Variants in NCBP1 observed in about 807,000 individuals in gnomAD.
The protein encoded by NCBP1 is nuclear cap-binding protein subunit 1.
In NCBP1, 16 loss-of-function variants were observed where a neutral mutation model predicts 111.7. That is an observed-to-expected ratio of 0.14 (90% CI 0.10 to 0.22). The LOEUF is 0.22. Ranked by LOEUF, NCBP1 falls within the 10% of genes least tolerant of loss-of-function variation. NCBP1 has a pLI of 1.00. For synonymous variants in NCBP1, 304 were observed against 314.3 expected, an observed-to-expected ratio of 0.97 and a Z score of 0.35; for missense variants, 607 against 957.5, an observed-to-expected ratio of 0.63 and a Z score of 4.83.
chr9:97,662,384 T>C (rs1343532925), intron 17 of NCBP1, among the ~76,000 whole-genome samples: 1 of 152,146 alleles, frequency 6.6e-6, no homozygotes, highest in African/African-American at 2.4e-5. Flanking sequence ...TTAAAGAAAC[T>C]AGTGAAAAAC....
intron 18 of NCBP1, 49 bp from the exon 19 acceptor site, chr9:97,664,291 G>T (rs553686144): frequency 9.2e-7 from 1 of 1,088,374 alleles, no homozygotes; most frequent in Non-Finnish European, 1.3e-6. Flanking sequence ...ACATATATAT[G>T]TGTGTGTATG....
At chr9:97,647,430 A>C (rs774929181) in intron 6 of NCBP1, 62 bp from the exon 7 acceptor site, 1 of 1,276,072 alleles carries the variant, frequency 7.8e-7, no homozygotes, top group Non-Finnish European at 1.1e-6. Flanking sequence ...AATAACTGTG[A>C]GGGTGACTGA....
At chr9:97,647,893 C>T (rs1827391140) in intron 7 of NCBP1, 115 bp from the exon 8 acceptor site, 2 of 910,588 alleles carry the variant, frequency 2.2e-6, no homozygotes. Context: ...TTTTTTTGTA[C>T]CATCTTACAA....
At chr9:97,658,827 G>A in intron 15 of NCBP1, 84 bp downstream of exon 15, 1 of 1,103,856 alleles carries the variant, frequency 9.1e-7, no homozygotes, top group Non-Finnish European at 1.4e-6. Flanking sequence ...TGGAGAAATT[G>A]AACTTTTTCT....
chr9:97,647,638 A>G, intron 7 of NCBP1, 77 bp downstream of exon 7: 1 of 1,242,940 alleles, frequency 8.0e-7, no homozygotes, highest in Non-Finnish European at 1.2e-6. Context: ...AGATACTCAG[A>G]CCATTCCATT....
chr9:97,666,183 A>G (rs879871085), intron 19 of NCBP1, among the ~76,000 whole-genome samples: 2 of 152,192 alleles, frequency 1.3e-5, no homozygotes, highest in Non-Finnish European at 2.9e-5. Context: ...TGCAACAAAC[A>G]TTTCAAAGCA....
chr9:97,669,985 C>T (rs544513414), intron 22 of NCBP1: 333 of 451,258 alleles, frequency 7.4e-4, no homozygotes, highest in Non-Finnish European at 1.1e-3. Flanking sequence ...TTCAGTGACA[C>T]GATCTCAGCT....
chr9:97,670,715 G>A (rs111337217), intron 22 of NCBP1, among the ~76,000 whole-genome samples: 13 of 152,118 alleles, frequency 8.5e-5, no homozygotes, highest in Admixed American at 2.6e-4. Context: ...CTGTCAGTCC[G>A]TCTGGCTGCT....
chr9:97,658,821 G>A, intron 15 of NCBP1, 78 bp downstream of exon 15: 3 of 1,144,122 alleles, frequency 2.6e-6, no homozygotes, highest in Non-Finnish European at 3.9e-6. Flanking sequence ...TTAAAGTGGA[G>A]AAATTGAACT....
intron 16 of NCBP1, among the ~76,000 whole-genome samples, chr9:97,661,433 C>T (rs1827830624): frequency 6.6e-6 from 1 of 152,134 alleles, no homozygotes; most frequent in Non-Finnish European, 1.5e-5. Flanking sequence ...TTAACATTTA[C>T]TCAGTTATAT....
At chr9:97,660,195 T>C (rs1045419885) in intron 15 of NCBP1, among the ~76,000 whole-genome samples, 3 of 152,232 alleles carry the variant, frequency 2.0e-5, no homozygotes, top group African/African-American at 4.8e-5. Flanking sequence ...AATATGACTG[T>C]CCTCACATGA....
chr9:97,650,200 A>G (rs1356583081), intron 8 of NCBP1, among the ~76,000 whole-genome samples: 20 of 152,104 alleles, frequency 1.3e-4, no homozygotes. Flanking sequence ...TAAAAAATAA[A>G]CTCTGTAAGA....
At chr9:97,662,205 G>A (rs977177264) in intron 17 of NCBP1, 61 bp downstream of exon 17, 41 of 1,216,808 alleles carry the variant, frequency 3.4e-5, no homozygotes, top group Admixed American at 1.2e-4. Context: ...AACACCAGTG[G>A]TATGGTAATT....
At chr9:97,645,252 G>T in intron 5 of NCBP1, 28 bp downstream of exon 5, 1 of 1,543,154 alleles carries the variant, frequency 6.5e-7, no homozygotes, top group Non-Finnish European at 9.0e-7. Flanking sequence ...GCTGAATCTT[G>T]AGGGGTTCTT....
chr9:97,643,874 C>G (rs1227122264), intron 4 of NCBP1, among the ~76,000 whole-genome samples: 1 of 152,100 alleles, frequency 6.6e-6, no homozygotes. Flanking sequence ...CTTTTTGCAT[C>G]TAGATTCTCT....
chr9:97,646,391 C>T (rs931886057), intron 6 of NCBP1, among the ~76,000 whole-genome samples: 2 of 152,012 alleles, frequency 1.3e-5, no homozygotes, highest in African/African-American at 4.8e-5. Context: ...CTTAACTATC[C>T]AGCAACATGG....
At chr9:97,653,270 A>G (rs1215048651) in intron 10 of NCBP1, among the ~76,000 whole-genome samples, 1 of 151,976 alleles carries the variant, frequency 6.6e-6, no homozygotes, top group Non-Finnish European at 1.5e-5. Context: ...ATAGGTGCCC[A>G]CCACCACACC....
intron 18 of NCBP1, among the ~76,000 whole-genome samples, 199 bp from the exon 19 acceptor site, chr9:97,664,141 T>G (rs1827921809): frequency 6.6e-6 from 1 of 151,994 alleles, no homozygotes; most frequent in Non-Finnish European, 1.5e-5. Flanking sequence ...ATCGTGCCAC[T>G]CCACTCCCGC....
Position 97,643,342 on chromosome 9 carries a change from T to C in NCBP1, c.363T>C (p.Tyr121=), listed in dbSNP as rs759829794. ...QLKESLKANN[Y]NEAVYLVRFL... is the part of the protein sequence containing the mutation. ...AAGAATCATTGAAAGCAAACAATTA[T>C]AATGAAGCCGTGTATTTGGTAAGTT... Residue 121 remains tyrosine, a synonymous_variant, in exon 4 of 23, where the codon TAT becomes TAC. Transcript: ENST00000375147. 1.8e-5 allele frequency: 29 copies of C among 1,603,062 alleles called. No individual in the cohort carries two copies. Among genetic ancestry groups the C allele is most frequent in the Admixed American group, 3.5e-5 (2 of 56,820 alleles).
Sources: gnomAD v4.1 joint callset for allele counts (sites outside exome capture counted in the v4.1 genomes callset) on GRCh38, gnomAD v4.1.1 for gene constraint, MANE v1.5 for transcripts, NCBI Gene and HGNC (gene_info 2026-07-23, HGNC 2026-07-21) for gene names.